The following KCNMA1 variants were observed in gnomAD, a reference collection of about 807,000 sequenced individuals.
KCNMA1 encodes Calcium-activated potassium channel subunit alpha-1.
KCNMA1 carries 29 observed loss-of-function variants against 140.0 expected under a neutral mutation model. The ratio of observed to expected loss-of-function variants is 0.21; its 90% confidence interval spans 0.15 to 0.28. The LOEUF is 0.28. Among genes scored for constraint, KCNMA1 ranks in the 10% least tolerant of loss-of-function variants. The probability of loss-of-function intolerance (pLI) is 1.00; values close to 1 mark genes in which losing one functional copy is unlikely to be tolerated. For synonymous variants in KCNMA1, 612 were observed against 611.9 expected (o/e 1.00, Z 0.00); for missense variants, 880 against 1,602.2 (o/e 0.55, Z 7.70).
chr10:77,006,827 C>T (rs948332271), intron 18 of KCNMA1, among the ~76,000 whole-genome samples: 11 of 152,080 alleles, frequency 7.2e-5, no homozygotes, highest in Admixed American at 5.9e-4. Context: ...GCCATGCCCT[C>T]AAGCCATGTT....
chr10:76,870,793 A>C (rs1414653725), exon 28 of KCNMA1: 1 of 152,286 alleles, frequency 6.6e-6, no homozygotes, highest in East Asian at 1.9e-4. Context: ...TGGCCGAGTG[A>C]CTGCCCACGT....
At chr10:77,272,517 T>A (rs1011147449) in intron 2 of KCNMA1, among the ~76,000 whole-genome samples, 5 of 152,164 alleles carry the variant, frequency 3.3e-5, no homozygotes, top group African/African-American at 9.7e-5. Context: ...TCCTCTTGCA[T>A]CCTCAATGAA....
At chr10:77,200,642 G>GA (rs34553224) in intron 3 of KCNMA1, among the ~76,000 whole-genome samples, 28,716 of 145,736 alleles carry the variant, frequency 0.2, 2,972 homozygotes, top group Middle Eastern at 0.24. Context: ...TAATCTTCTG[G>GA]AAAAAAAAAA....
rs2093919079 is a variant in KCNMA1, at chr10:77,637,808, C to T, written c.-166G>A. 3.4e-6 allele frequency: 4 copies of T among 1,191,874 alleles called. No individual in the cohort carries two copies. The highest frequency in any genetic ancestry group is 6.9e-5 in the East Asian group (2 of 29,190). 73.8% of individuals were successfully genotyped at this position (1,191,874 alleles called of 1,614,324 possible). On this transcript the variant is annotated 5_prime_UTR_variant, in exon 1 of 28. Coordinates refer to ENST00000286628, the MANE Select transcript of KCNMA1 (RefSeq NM_001161352.2). ...AGGCGCCTGGGCTCGGGGCGCTGTGCGCGACCTGGCGGGGTGCGCCGAGAT... is the reference window on the plus strand; with the variant it reads ...AGGCGCCTGGGCTCGGGGCGCTGTGTGCGACCTGGCGGGGTGCGCCGAGAT...
At chr10:76,987,663 C>T (rs1162218639) in intron 19 of KCNMA1, among the ~76,000 whole-genome samples, 1 of 152,056 alleles carries the variant, frequency 6.6e-6, no homozygotes, top group Non-Finnish European at 1.5e-5. Flanking sequence ...CTGCTAGAAG[C>T]AGAGAGGAAA....
rs572830336 is a variant in KCNMA1 at position 77,290,457 on chromosome 10, A to T, written c.541-39201T>A. Among the ~76,000 whole-genome samples, 9 of 152,078 alleles carry T rather than the reference A, an allele frequency of 5.9e-5. No individual in the cohort carries two copies. In the South Asian group the frequency reaches 1.9e-3, roughly 32 times the overall value. On this transcript the variant is annotated intron_variant, in intron 2 of 27. Transcript: ENST00000286628. ...GGACTGAAGGCCTGGGGTCCCCACC[A>T]CTCCTTCCCGTGAGCCAGTGCCCTT...
chr10:77,588,712 T>C (rs1321025479), intron 1 of KCNMA1, among the ~76,000 whole-genome samples: 5 of 152,154 alleles, frequency 3.3e-5, no homozygotes, highest in African/African-American at 1.2e-4. Flanking sequence ...CTTCTTTCTG[T>C]AGAGAGAAAA....
intron 2 of KCNMA1, chr10:77,372,897 G>T (rs2094835753): frequency 6.6e-6 from 1 of 152,156 alleles, no homozygotes; most frequent in African/African-American, 2.4e-5. Context: ...GGTCATCTGT[G>T]GAGCAATGTT....
intron 2 of KCNMA1, among the ~76,000 whole-genome samples, chr10:77,304,216 C>T (rs992480174): frequency 1.3e-5 from 2 of 152,204 alleles, no homozygotes; most frequent in African/African-American, 4.8e-5. Flanking sequence ...AGGTGTCTTC[C>T]TCTACTAGGG....
chr10:77,110,396 T>C (rs772726452), intron 7 of KCNMA1, 53 bp from the exon 8 acceptor site: 110 of 1,484,094 alleles, frequency 7.4e-5, no homozygotes, highest in Admixed American at 1.8e-4. Context: ...TTGAAGTGTA[T>C]ACATGCAATA....
chr10:77,197,937 C>T (rs746923357), intron 3 of KCNMA1, among the ~76,000 whole-genome samples: 11 of 151,964 alleles, frequency 7.2e-5, no homozygotes, highest in African/African-American at 1.7e-4. Context: ...GCATTACACG[C>T]GAGAAGAGGC....
At chr10:77,096,086 A>G (rs185876137) in intron 9 of KCNMA1, among the ~76,000 whole-genome samples, 2 of 152,304 alleles carry the variant, frequency 1.3e-5, no homozygotes, top group Admixed American at 1.3e-4. Flanking sequence ...GCCCTTGGCA[A>G]TTGTTTAATC....
chr10:77,390,375 A>G (rs752859312), intron 2 of KCNMA1, among the ~76,000 whole-genome samples: 6 of 152,234 alleles, frequency 3.9e-5, no homozygotes, highest in Non-Finnish European at 7.3e-5. Context: ...GACACACAGC[A>G]TAGACCAAGG....
intron 1 of KCNMA1, among the ~76,000 whole-genome samples, chr10:77,488,507 T>G (rs1167430994): frequency 6.6e-6 from 1 of 152,186 alleles, no homozygotes; most frequent in Non-Finnish European, 1.5e-5. Flanking sequence ...AGGGAGCAGC[T>G]GAGCCAGCAT....
chr10:77,015,087 G>A (rs192545243), intron 17 of KCNMA1, among the ~76,000 whole-genome samples: 93 of 152,046 alleles, frequency 6.1e-4, no homozygotes, highest in East Asian at 4.5e-3. Flanking sequence ...CCAGCTCACC[G>A]TACCCCTCCC....
At chr10:76,873,232 C>T (rs748747620), downstream of KCNMA1, 1 of 152,086 alleles carries the variant, frequency 6.6e-6, no homozygotes, top group Non-Finnish European at 1.5e-5. Context: ...TTATGGAAAT[C>T]TTGAAATTAT....
intron 13 of KCNMA1, 106 bp downstream of exon 13, chr10:77,079,369 AGTGTGT>A (rs68133946): frequency 1.4e-4 from 95 of 662,468 alleles, no homozygotes; most frequent in Middle Eastern, 7.9e-4. Flanking sequence ...GGCATGTGAG[AGTGTGT>A]GTGTGTGTGT....
At chr10:76,883,520 G>A (rs1039524160), downstream of KCNMA1, among the ~76,000 whole-genome samples, 2 of 152,164 alleles carry the variant, frequency 1.3e-5, no homozygotes, top group African/African-American at 4.8e-5. Flanking sequence ...TCACCCAAGT[G>A]TTGAGACTGA....
chr10:77,254,641 G>T (rs1392755051), intron 2 of KCNMA1, among the ~76,000 whole-genome samples: 1 of 152,170 alleles, frequency 6.6e-6, no homozygotes, highest in Admixed American at 6.5e-5. Flanking sequence ...TGCCTAGATG[G>T]ATCATTAGTA....
Sources: gnomAD v4.1 joint callset for allele counts (sites outside exome capture counted in the v4.1 genomes callset) on GRCh38, gnomAD v4.1.1 for gene constraint, MANE v1.5 for transcripts, NCBI Gene and HGNC (gene_info 2026-07-23, HGNC 2026-07-21) for gene names.